The following ARMC2 variants were observed in gnomAD, a reference collection of about 807,000 sequenced individuals.
ARMC2 encodes armadillo repeat containing 2, also known as armadillo repeat-containing protein 2.
Under a neutral mutation model 90.3 loss-of-function variants are expected in ARMC2, and 67 were observed. The observed-to-expected ratio is 0.74, with a 90% CI of 0.61 to 0.91. The LOEUF is 0.91. Ranked by LOEUF, ARMC2 falls within the 40% of genes least tolerant of loss-of-function variation. ARMC2 has a pLI of 0.00. For synonymous variants in ARMC2, 393 were observed against 393.0 expected, an observed-to-expected ratio of 1.00 and a Z score of 0.00; for missense variants, 920 against 1,030.9, an observed-to-expected ratio of 0.89 and a Z score of 1.47.
the ARMC2 span, among the ~76,000 whole-genome samples, chr6:109,021,000 C>T: frequency 2.0e-5 from 3 of 152,054 alleles, no homozygotes; most frequent in Admixed American, 6.6e-5. Context: ...TTAGGAGACA[C>T]TTTATTTTCT....
At chr6:108,954,047 T>C (rs910614301) in intron 13 of ARMC2, among the ~76,000 whole-genome samples, 7 of 152,208 alleles carry the variant, frequency 4.6e-5, no homozygotes, top group African/African-American at 1.7e-4. Flanking sequence ...GTGCAAGCAC[T>C]TGTGGGGTAG....
At chr6:108,998,449 G>GA in the ARMC2 span, 2 of 1,584,206 alleles carry the variant, frequency 1.3e-6, no homozygotes, top group Admixed American at 3.4e-5. Flanking sequence ...GCCAACTGAA[G>GA]AAATAATATA....
In ARMC2 at chr6:108,946,153, C is replaced by T. The variant is rs972686244; in HGVS notation, c.1597-6880C>T. On this transcript the variant is annotated intron_variant, in intron 12 of 17. Coordinates refer to ENST00000392644, the MANE Select transcript of ARMC2 (RefSeq NM_032131.6). ...TTTGCCCTTGTGGAACTGGCTCTTA[C>T]CCCGCTCAGCACGGAACCCAAATGC... is the stretch of plus-strand genomic sequence containing the variant. Among the ~76,000 whole-genome samples, 23 of 152,234 alleles carry T rather than the reference C, an allele frequency of 1.5e-4. 1 individual carries two copies. Among genetic ancestry groups the T allele is most frequent in the Non-Finnish European group, 2.2e-4 (15 of 68,044 alleles).
chr6:108,857,145 A>G (rs1774714410), intron 2 of ARMC2, among the ~76,000 whole-genome samples: 1 of 152,224 alleles, frequency 6.6e-6, no homozygotes, highest in African/African-American at 2.4e-5. Context: ...TTGAATCTAT[A>G]GATCAAGTTG....
At chr6:108,961,120 C>T (rs1031846238) in intron 13 of ARMC2, among the ~76,000 whole-genome samples, 18 of 152,120 alleles carry the variant, frequency 1.2e-4, no homozygotes, top group East Asian at 3.9e-4. Flanking sequence ...TTCTAGAGTT[C>T]GTAGTCACAG....
intron 13 of ARMC2, among the ~76,000 whole-genome samples, chr6:108,960,035 C>A (rs140190207): frequency 6.6e-6 from 1 of 152,064 alleles, no homozygotes; most frequent in South Asian, 2.1e-4. Context: ...TTGCCCAGGC[C>A]GGTCTGATTG....
At chr6:108,964,925 A>C in intron 16 of ARMC2, 55 bp from the exon 17 acceptor site, 1 of 1,316,896 alleles carries the variant, frequency 7.6e-7, no homozygotes, top group Non-Finnish European at 1.1e-6. Context: ...ACAATATTAA[A>C]ATTAAAGACA....
chr6:108,960,421 G>C lies in ARMC2; in HGVS notation c.1916-1151G>C, dbSNP rs144895704. On this transcript the variant is annotated intron_variant, in intron 13 of 17. Coordinates refer to ENST00000392644, the MANE Select transcript of ARMC2 (RefSeq NM_032131.6). ...GTCTGGAGACTGAGTGGGAGGCAGGGACAAAAACCACTAAGGGCCTTATGT... is the reference window on the plus strand; with the variant it reads ...GTCTGGAGACTGAGTGGGAGGCAGGCACAAAAACCACTAAGGGCCTTATGT... 1.8e-3 allele frequency among the ~76,000 whole-genome samples: 268 copies of C among 152,274 alleles called. 2 individuals carry two copies. Among genetic ancestry groups the C allele is most frequent in the African/African-American group, 6.3e-3 (262 of 41,556 alleles).
rs78861111 is a variant in ARMC2, at chr6:108,864,704, G to A, written c.292-4120G>A. ...ACTCCCTTTTCCAGTTGTCACATAG[G>A]ATCGGGGGAGACCCTGTTGGGTGAT... On this transcript the variant is annotated intron_variant, in intron 3 of 17. Coordinates refer to ENST00000392644, the MANE Select transcript of ARMC2 (RefSeq NM_032131.6). Among the ~76,000 whole-genome samples, 616 of 152,308 alleles carry A rather than the reference G, an allele frequency of 4.0e-3. 2 individuals are homozygous for A. The highest frequency in any genetic ancestry group is 0.014 in the African/African-American group (577 of 41,568).
intron 4 of ARMC2, among the ~76,000 whole-genome samples, chr6:108,872,707 C>T (rs988973757): frequency 1.6e-4 from 24 of 152,082 alleles, no homozygotes; most frequent in Admixed American, 1.4e-3. Context: ...CACAAGAGGT[C>T]GGGAAGCAAA....
In ARMC2 at chr6:108,964,288, T is replaced by A; in HGVS notation, c.2261T>A (p.Leu754Ter). The stretch of plus-strand genomic sequence containing the variant: ...GTGGATAAAGACAAGCGTGTCATCT[T>A]GAAAGAAGGAGGTGGCATTAAAAAG... Reference protein sequence around the residue: ...LTVDKDKRVILKEGGGIKKLV... With the variant: ...LTVDKDKRVI The change falls in exon 16 of 18, where the codon TTG becomes TAG. Residue 754 changes from leucine to a stop codon, truncating the protein, a stop_gained. Transcript: ENST00000392644. LOFTEE classifies it high-confidence loss of function. The A allele has an allele frequency of 1.2e-6, 2 of 1,613,946 alleles. No homozygotes were observed. The highest frequency in any genetic ancestry group is 2.7e-5 in the African/African-American group (2 of 75,046).
At chr6:108,986,908 A>T in the ARMC2 span, 2 of 152,484 alleles carry the variant, frequency 1.3e-5, no homozygotes, top group Non-Finnish European at 2.9e-5. Context: ...CAGAACCCTG[A>T]ATTTAAAAAA....
At chr6:108,918,743 G>A (rs1774250108) in intron 10 of ARMC2, among the ~76,000 whole-genome samples, 1 of 152,180 alleles carries the variant, frequency 6.6e-6, no homozygotes, top group African/African-American at 2.4e-5. Flanking sequence ...TGTCTCTAAA[G>A]TGCTGACTAT....
At chr6:109,010,149 C>T in the ARMC2 span, among the ~76,000 whole-genome samples, 2 of 152,152 alleles carry the variant, frequency 1.3e-5, no homozygotes, top group Admixed American at 1.3e-4. Context: ...CTTTTTTCCT[C>T]TCAAGTATAT....
At chr6:108,985,864 T>C in the ARMC2 span, among the ~76,000 whole-genome samples, 7 of 152,250 alleles carry the variant, frequency 4.6e-5, no homozygotes, top group African/African-American at 1.7e-4. Context: ...ATAAGTAAGT[T>C]TCTTTAAATA....
intron 14 of ARMC2, 34 bp downstream of exon 14, chr6:108,961,728 G>T: frequency 6.4e-7 from 1 of 1,551,868 alleles, no homozygotes; most frequent in South Asian, 1.2e-5. Context: ...ATAAATGAGT[G>T]CTCATTTGAA....
At chr6:108,857,457 GA>G (rs1213895149) in intron 2 of ARMC2, among the ~76,000 whole-genome samples, 1 of 152,068 alleles carries the variant, frequency 6.6e-6, no homozygotes, top group African/African-American at 2.4e-5. Context: ...CTGTTATCTG[GA>G]AAGAGTTGTT....
At chr6:108,856,025 G>T (rs1774562210) in intron 2 of ARMC2, among the ~76,000 whole-genome samples, 1 of 152,144 alleles carries the variant, frequency 6.6e-6, no homozygotes, top group Non-Finnish European at 1.5e-5. Context: ...TCTTGATAGT[G>T]TCTTTTGCAG....
chr6:108,893,984 C>T (rs1358655469), intron 5 of ARMC2, among the ~76,000 whole-genome samples: 4 of 152,114 alleles, frequency 2.6e-5, no homozygotes, highest in South Asian at 2.1e-4. Flanking sequence ...GGCAAGACTT[C>T]GTCTCAAAAA....
Sources: allele counts gnomAD v4.1 joint callset (sites outside exome capture counted in the v4.1 genomes callset), GRCh38; gene constraint gnomAD v4.1.1; transcripts MANE v1.5; gene names NCBI Gene and HGNC (gene_info 2026-07-23, HGNC 2026-07-21).